Variants in CCDC73 observed in about 807,000 individuals in gnomAD.
The protein encoded by CCDC73 is coiled-coil domain-containing protein 73.
CCDC73 carries 95 observed loss-of-function variants against 116.5 expected under a neutral mutation model. The ratio of observed to expected loss-of-function variants is 0.82; its 90% confidence interval spans 0.69 to 0.97. CCDC73 has a LOEUF of 0.97. Among genes scored for constraint, CCDC73 ranks in the 50% least tolerant of loss-of-function variants. The probability of loss-of-function intolerance (pLI) is 0.00; values close to 1 mark genes in which losing one functional copy is unlikely to be tolerated. For missense variants in CCDC73, 1,066 were observed against 1,206.8 expected, an observed-to-expected ratio of 0.88 and a Z score of 1.73; for synonymous variants, 398 against 401.3, an observed-to-expected ratio of 0.99 and a Z score of 0.10.
chr11:32,772,353 CA>C (rs1212650182), intron 1 of CCDC73, among the ~76,000 whole-genome samples: 1 of 151,778 alleles, frequency 6.6e-6, no homozygotes, highest in Non-Finnish European at 1.5e-5. Flanking sequence ...AAAACAAAAG[CA>C]GGGGGACTGT....
Position 32,641,999 on chromosome 11 carries a change from T to C in CCDC73, c.1023A>G (p.Glu341=). The part of the protein sequence containing the change: ...EKFLNLQNEH[E]KALGTWKRHA... ...GTCTTTTCCAAGTTCCTAGTGCTTT[T>C]TCATGCTCATTTTGAAGATTAAGAA... Residue 341 remains glutamate, a synonymous_variant, in exon 13 of 18, where the codon GAA becomes GAG. Transcript: ENST00000335185. 1 of 1,555,152 alleles carries C rather than the reference T, an allele frequency of 6.4e-7. No homozygotes were observed. The highest frequency in any genetic ancestry group is 8.7e-7 in the Non-Finnish European group (1 of 1,149,432).
At chr11:32,830,147 T>C in the CCDC73 span, 8 of 1,009,912 alleles carry the variant, frequency 7.9e-6, no homozygotes, top group Non-Finnish European at 9.4e-6. Context: ...GCCCGGGGGC[T>C]GCTGGAACAT....
At chr11:32,604,780 T>C (rs1855323966) in intron 17 of CCDC73, 1 of 152,218 alleles carries the variant, frequency 6.6e-6, no homozygotes, top group Admixed American at 6.5e-5. Context: ...TTAAAATCTT[T>C]TTCAATTTGA....
the CCDC73 span, among the ~76,000 whole-genome samples, chr11:32,822,848 A>G: frequency 6.6e-6 from 1 of 152,306 alleles, no homozygotes; most frequent in Middle Eastern, 3.4e-3. Context: ...AGAAAAGCAT[A>G]TAATGATAAA....
At chr11:32,753,293 C>CT (rs11309977) in intron 2 of CCDC73, among the ~76,000 whole-genome samples, 1,714 of 127,780 alleles carry the variant, frequency 0.013, 30 homozygotes, top group African/African-American at 0.037. Flanking sequence ...TTCTTTTCTG[C>CT]TTTTTTTTTT....
intron 7 of CCDC73, among the ~76,000 whole-genome samples, chr11:32,679,043 A>G (rs953349794): frequency 2.0e-5 from 3 of 152,168 alleles, no homozygotes; most frequent in Non-Finnish European, 4.4e-5. Flanking sequence ...AACATGATAT[A>G]TTATTGGTAA....
the CCDC73 span, among the ~76,000 whole-genome samples, chr11:32,817,212 A>T: frequency 1.3e-5 from 2 of 152,208 alleles, no homozygotes; most frequent in Admixed American, 1.3e-4. Context: ...GTTTTTTTAA[A>T]CGTCAACGCA....
chr11:32,729,704 T>C (rs1850058953), intron 2 of CCDC73, among the ~76,000 whole-genome samples: 1 of 152,210 alleles, frequency 6.6e-6, no homozygotes, highest in Non-Finnish European at 1.5e-5. Context: ...TTTTGACTTT[T>C]TAATAATCAC....
rs1347437790 is a variant in CCDC73 at position 32,760,141 on chromosome 11, G to A, written c.103C>T (p.Leu35=). 2 of 1,605,558 alleles carry A rather than the reference G, an allele frequency of 1.2e-6. No individual in the cohort carries two copies. Among genetic ancestry groups the A allele is most frequent in the East Asian group, 2.2e-5 (1 of 44,694 alleles). The change falls in exon 2 of 18, where the codon CTG becomes TTG. Residue 35 remains leucine, a synonymous_variant. Coordinates refer to ENST00000335185, the MANE Select transcript of CCDC73 (RefSeq NM_001008391.4). ...IQLLDFKTSL[L]EALEELRMRR... The stretch of plus-strand genomic sequence containing the variant: ...ATACGCAATTCTTCTAATGCCTCCA[G>A]TAAACTTGTTTTGAAATCTAATAGC...
intron 14 of CCDC73, among the ~76,000 whole-genome samples, chr11:32,617,154 G>A (rs1029050248): frequency 2.6e-5 from 4 of 152,162 alleles, no homozygotes; most frequent in African/African-American, 9.7e-5. Flanking sequence ...AAGCTGGGCC[G>A]AGGTCATTAA....
intron 2 of CCDC73, among the ~76,000 whole-genome samples, chr11:32,721,815 T>C (rs1301402107): frequency 6.6e-6 from 1 of 152,054 alleles, no homozygotes; most frequent in Non-Finnish European, 1.5e-5. Flanking sequence ...GCCAGGATGG[T>C]CTCAATCTCC....
rs776066638 is a variant in CCDC73, at chr11:32,683,613, T to C, written c.391-39A>G. The C allele has an allele frequency of 4.2e-6, 5 of 1,204,430 alleles. No homozygotes were observed. The South Asian group carries it at 5.1e-5, about 12-fold the overall frequency. 74.6% of individuals were successfully genotyped at this position (1,204,430 alleles called of 1,614,324 possible). ...GGGGAAAAATCTCATTAAAATACTT[T>C]AATTATCTACACAAATTCCTCTGAT... On this transcript the variant is annotated intron_variant, in intron 6 of 17. Coordinates refer to ENST00000335185, the MANE Select transcript of CCDC73 (RefSeq NM_001008391.4).
At chr11:32,655,091 C>CATTAAAGTGTA in intron 9 of CCDC73, 119 bp from the exon 10 acceptor site, 2 of 409,050 alleles carry the variant, frequency 4.9e-6, no homozygotes, top group Non-Finnish European at 7.4e-6. Context: ...TTATAATTCC[C>CATTAAAGTGTA]TTGCAAGTTC....
intron 2 of CCDC73, among the ~76,000 whole-genome samples, chr11:32,730,104 A>C (rs551563324): frequency 6.6e-6 from 1 of 152,330 alleles, no homozygotes; most frequent in South Asian, 2.1e-4. Context: ...TCTCCTGCAC[A>C]TCCTTGTAAA....
In CCDC73 at chr11:32,654,035, T is replaced by C; in HGVS notation, c.777A>G (p.Glu259=). The C allele has an allele frequency of 6.3e-7, 1 of 1,591,046 alleles. No homozygotes were observed. Among genetic ancestry groups the C allele is most frequent in the Non-Finnish European group, 8.6e-7 (1 of 1,168,348 alleles). Residue 259 remains glutamate (E), a splice_region_variant and synonymous_variant, in exon 11 of 18, where the codon GAA becomes GAG. Transcript: ENST00000335185. ...CATTAATCTTCTCATTTAATTCCAA[T>C]TCCTTTAAAATTTGAATAGTTTTAA... ...FQELQERLNM[E]LELNEKINEE...
intron 13 of CCDC73, 114 bp from the exon 14 acceptor site, chr11:32,635,944 C>A: frequency 1.5e-6 from 1 of 679,954 alleles, no homozygotes; most frequent in Non-Finnish European, 1.9e-6. Flanking sequence ...TCAAAACAAT[C>A]ACAAAGTCAT....
At chr11:32,643,306 C>G (rs1855749487) in intron 12 of CCDC73, among the ~76,000 whole-genome samples, 1 of 152,082 alleles carries the variant, frequency 6.6e-6, no homozygotes, top group Non-Finnish European at 1.5e-5. Context: ...TTGATTGCCT[C>G]TGTTTCAGGA....
At chr11:32,779,435 G>C (rs1335871144) in intron 1 of CCDC73, among the ~76,000 whole-genome samples, 1 of 152,132 alleles carries the variant, frequency 6.6e-6, no homozygotes, top group Non-Finnish European at 1.5e-5. Flanking sequence ...TTTGACTTCA[G>C]GCCAGTAATG....
chr11:32,823,541 C>A, the CCDC73 span, among the ~76,000 whole-genome samples: 1 of 150,924 alleles, frequency 6.6e-6, no homozygotes, highest in Admixed American at 6.6e-5. Flanking sequence ...GAGGCAGTGG[C>A]AGAGCTAAAA....
Sources: gnomAD v4.1 joint callset for allele counts (sites outside exome capture counted in the v4.1 genomes callset) on GRCh38, gnomAD v4.1.1 for gene constraint, MANE v1.5 for transcripts, NCBI Gene and HGNC (gene_info 2026-07-23, HGNC 2026-07-21) for gene names.